The following HDAC4 variants were observed in gnomAD, a reference collection of about 807,000 sequenced individuals.
The protein encoded by HDAC4 is histone deacetylase 4.
A neutral mutation model predicts 135.1 loss-of-function variants in HDAC4; 16 were observed. The observed-to-expected ratio is 0.12, with a 90% confidence interval of 0.08 to 0.18. HDAC4 has a LOEUF of 0.18. Among genes scored for constraint, HDAC4 ranks in the 10% least tolerant of loss-of-function variants. The probability of loss-of-function intolerance (pLI) is 1.00; values close to 1 mark genes in which losing one functional copy is unlikely to be tolerated. For missense variants in HDAC4, 1,143 were observed against 1,511.8 expected (o/e 0.76, Z 4.05); for synonymous variants, 685 against 653.4 (o/e 1.05, Z -0.74).
At chr2:239,071,723 G>A (rs1177338609) in intron 22 of HDAC4, among the ~76,000 whole-genome samples, 4 of 152,148 alleles carry the variant, frequency 2.6e-5, no homozygotes, top group African/African-American at 7.2e-5. Context: ...AGGACCCTGA[G>A]TCCACCTGTT....
In HDAC4 at chr2:239,127,005, C is replaced by T. The variant is rs543233382; in HGVS notation, c.1295-311G>A. Among the ~76,000 whole-genome samples the T allele has an allele frequency of 1.9e-4, 29 of 152,214 alleles. No individual in the cohort carries two copies. In the South Asian group the frequency reaches 6.0e-3, roughly 32 times the overall value. The stretch of plus-strand genomic sequence containing the variant: ...AGCAAGCCCTTCCCCAGAGTGGCTA[C>T]CACACAATTGTTCCTGGGGGCCACA... On this transcript the variant is annotated intron_variant, in intron 11 of 26. Transcript: ENST00000543185.
rs2036790877 is a variant in HDAC4 at position 239,094,307 on chromosome 2, G to C, written c.2280+703C>G. 4 of 985,462 alleles carry C rather than the reference G, an allele frequency of 4.1e-6. No individual in the cohort carries two copies. The South Asian group carries it at 1.9e-4, about 46-fold the overall frequency. 61.0% of individuals were successfully genotyped at this position (985,462 alleles called of 1,614,324 possible). A position where few individuals can be genotyped will look rare whatever the true frequency, so the allele number is the denominator to read the frequency against. On this transcript the variant is annotated intron_variant, in intron 17 of 26. Coordinates refer to ENST00000543185, the MANE Select transcript of HDAC4 (RefSeq NM_001378414.1). The stretch of plus-strand genomic sequence containing the variant: ...GGGAGAACTCTTTTGTTATTGAGAA[G>C]TTTGATTGCAAGACCTGACCCTTCC...
intron 25 of HDAC4, 81 bp from the exon 26 acceptor site, chr2:239,053,682 C>T (rs2031267491): frequency 8.1e-7 from 1 of 1,238,008 alleles, no homozygotes; most frequent in Non-Finnish European, 1.2e-6. Flanking sequence ...TCCTGCGGGA[C>T]CCTGAGCCTC....
Position 239,306,378 on chromosome 2 carries a change from A to C in HDAC4, c.22+46300T>G, listed in dbSNP as rs1180449200. Among the ~76,000 whole-genome samples, 2 of 152,112 alleles carry C rather than the reference A, an allele frequency of 1.3e-5. No individual in the cohort carries two copies. The highest frequency in any genetic ancestry group is 2.4e-5 in the African/African-American group (1 of 41,438). On this transcript the variant is annotated intron_variant, in intron 2 of 26. Transcript: ENST00000543185. This position sits in a 1 kb window ranked among gnomAD's most constrained non-coding sequence, Gnocchi z 4.5. ...CAGAGGACACAGCCTTCCAGTGGAC[A>C]CGAGGACCTCAGAGGCCACCTGGCC... is the stretch of plus-strand genomic sequence containing the variant.
rs373348808 is a variant in HDAC4, at chr2:239,335,432, AT to A, written c.22+17245del. 3.4e-4 allele frequency among the ~76,000 whole-genome samples: 52 copies of A among 151,854 alleles called. No homozygotes were observed. In the East Asian group the frequency reaches 8.3e-3, roughly 24 times the overall value. ...GATAGAACAATGAAGTTTATCAAAA[AT>A]AATATAGAATATCTTCAAATAGGCA... On this transcript the variant is annotated intron_variant, in intron 2 of 26. Transcript: ENST00000543185.
At chr2:239,186,588 G>A (rs1381591636) in intron 4 of HDAC4, 2 of 152,236 alleles carry the variant, frequency 1.3e-5, no homozygotes, top group Admixed American at 6.5e-5. Flanking sequence ...TGGTTCTAAG[G>A]TCTCTGGCCA....
At chr2:239,092,055 A>G (rs1475745638) in intron 17 of HDAC4, among the ~76,000 whole-genome samples, 1 of 152,076 alleles carries the variant, frequency 6.6e-6, no homozygotes, top group South Asian at 2.1e-4. Flanking sequence ...TGGGCGACAG[A>G]GCCAGACTCC....
chr2:239,393,057 A>G (rs936015251), intron 1 of HDAC4, among the ~76,000 whole-genome samples: 9 of 152,168 alleles, frequency 5.9e-5, no homozygotes, highest in Non-Finnish European at 1.2e-4. Context: ...GCACTGCTAG[A>G]AGGAAGGAAC....
intron 3 of HDAC4, among the ~76,000 whole-genome samples, chr2:239,230,545 G>A (rs1204485678): frequency 1.3e-5 from 2 of 151,978 alleles, no homozygotes; most frequent in African/African-American, 2.4e-5. Context: ...CACGGCAGGC[G>A]CCGCCAGGAC....
At chr2:239,082,920 A>G (rs2035494115) in intron 20 of HDAC4, among the ~76,000 whole-genome samples, 1 of 152,240 alleles carries the variant, frequency 6.6e-6, no homozygotes, top group Non-Finnish European at 1.5e-5. Context: ...GGCCCCGCTG[A>G]GAACAGCTGT....
intron 1 of HDAC4, among the ~76,000 whole-genome samples, chr2:239,373,787 A>C (rs1318869498): frequency 6.6e-6 from 1 of 152,176 alleles, no homozygotes; most frequent in Non-Finnish European, 1.5e-5. Flanking sequence ...TAATATCTTT[A>C]TCCACTCAAA....
At chr2:239,170,232 A>T (rs1300193888) in intron 5 of HDAC4, among the ~76,000 whole-genome samples, 1 of 152,218 alleles carries the variant, frequency 6.6e-6, no homozygotes, top group Non-Finnish European at 1.5e-5. Context: ...AAATATTTAT[A>T]AAAATGTACA....
Position 239,231,863 on chromosome 2 carries a change from G to C in HDAC4, c.94+4730C>G, listed in dbSNP as rs12712287. ...TAGGCGTCCTCCCCGAAGCGCCCCTGTCCTCAACCGAGGTTGCTGAGCACC... is the reference window on the plus strand; with the variant it reads ...TAGGCGTCCTCCCCGAAGCGCCCCTCTCCTCAACCGAGGTTGCTGAGCACC... On this transcript the variant is annotated intron_variant, in intron 3 of 26. Coordinates refer to ENST00000543185, the MANE Select transcript of HDAC4 (RefSeq NM_001378414.1). Among the ~76,000 whole-genome samples the C allele has an allele frequency of 4.5e-3, 343 of 75,684 alleles. 1 individual carries two copies. Among genetic ancestry groups the C allele is most frequent in the African/African-American group, 0.013 (210 of 16,248 alleles). 49.7% of individuals were successfully genotyped at this position (75,684 alleles called of 152,430 possible).
chr2:239,107,518 C>T (rs956449680), intron 15 of HDAC4, among the ~76,000 whole-genome samples: 4 of 152,266 alleles, frequency 2.6e-5, no homozygotes, highest in African/African-American at 7.2e-5. Context: ...CGACCCACTG[C>T]CTCGCCAGCA....
chr2:239,150,262 C>A (rs909321686), intron 7 of HDAC4, among the ~76,000 whole-genome samples: 1 of 151,924 alleles, frequency 6.6e-6, no homozygotes, highest in Non-Finnish European at 1.5e-5. Context: ...CATACAGATA[C>A]ACACACAGAA....
At chr2:239,266,045 A>G (rs2049707134) in intron 2 of HDAC4, among the ~76,000 whole-genome samples, 1 of 152,152 alleles carries the variant, frequency 6.6e-6, no homozygotes, top group South Asian at 2.1e-4. Flanking sequence ...GGGGACACAG[A>G]GCCCCTAAGC....
chr2:239,302,295 G>A (rs772683186), intron 2 of HDAC4, among the ~76,000 whole-genome samples: 20 of 152,142 alleles, frequency 1.3e-4, no homozygotes, highest in Admixed American at 5.9e-4. Flanking sequence ...CTGAAGTCTC[G>A]GGTGAGTTCA....
intron 1 of HDAC4, among the ~76,000 whole-genome samples, chr2:239,396,044 AC>A (rs1696536078): frequency 6.6e-6 from 1 of 152,122 alleles, no homozygotes; most frequent in South Asian, 2.1e-4. Context: ...TGGCAAAATC[AC>A]ACCTCACTGC....
At chr2:239,293,547 T>C (rs531397974) in intron 2 of HDAC4, among the ~76,000 whole-genome samples, 2 of 152,204 alleles carry the variant, frequency 1.3e-5, no homozygotes, top group Non-Finnish European at 2.9e-5. Context: ...ATGAGGTAGT[T>C]AAGGGGTCAA....
Sources: gnomAD v4.1 joint callset for allele counts (sites outside exome capture counted in the v4.1 genomes callset) on GRCh38, gnomAD v4.1.1 for gene constraint, Gnocchi (gnomAD v3.1) non-coding constraint, MANE v1.5 for transcripts, NCBI Gene and HGNC (gene_info 2026-07-23, HGNC 2026-07-21) for gene names.